The following ATP8A2 variants were observed in gnomAD, a reference collection of about 807,000 sequenced individuals.
ATP8A2 encodes ATPase phospholipid transporting 8A2.
ATP8A2 carries 100 observed loss-of-function variants against 165.6 expected under a neutral mutation model. The observed-to-expected ratio is 0.60, with a 90% CI of 0.51 to 0.71. The LOEUF (loss-of-function observed/expected upper bound fraction) is 0.71. Among genes scored for constraint, ATP8A2 ranks in the 30% least tolerant of loss-of-function variants. The pLI, the probability that ATP8A2 is intolerant of heterozygous loss-of-function variation, is 0.00. For synonymous variants in ATP8A2, 543 were observed against 548.8 expected, an observed-to-expected ratio of 0.99 and a Z score of 0.15; for missense variants, 1,227 against 1,479.5, an observed-to-expected ratio of 0.83 and a Z score of 2.80.
chr13:25,890,363 G>A (rs186980333), intron 33 of ATP8A2, among the ~76,000 whole-genome samples: 3 of 152,126 alleles, frequency 2.0e-5, no homozygotes, highest in South Asian at 2.1e-4. Context: ...CTAACAGAAC[G>A]CCTGGTACAC....
At chr13:25,445,704 C>T (rs2035048665) in intron 1 of ATP8A2, among the ~76,000 whole-genome samples, 2 of 152,072 alleles carry the variant, frequency 1.3e-5, no homozygotes, top group African/African-American at 4.8e-5. Context: ...ATTAAGATTC[C>T]TGTAGATGGT....
chr13:25,412,833 T>G (rs9511789), intron 1 of ATP8A2, among the ~76,000 whole-genome samples: 66,406 of 151,392 alleles, frequency 0.44, 16,418 homozygotes, highest in African/African-American at 0.68. Context: ...CAATTTTTTT[T>G]GGGGGGGGAT....
intron 24 of ATP8A2, among the ~76,000 whole-genome samples, chr13:25,665,349 T>C (rs77625801): frequency 0.037 from 5,702 of 152,212 alleles, 156 homozygotes; most frequent in Middle Eastern, 0.078. Flanking sequence ...TCCCAGCTAC[T>C]TGGGAGGCTG....
chr13:25,858,548 T>C (rs879839634), intron 30 of ATP8A2, among the ~76,000 whole-genome samples: 1 of 152,224 alleles, frequency 6.6e-6, no homozygotes, highest in Non-Finnish European at 1.5e-5. Flanking sequence ...GCCCAGGGGC[T>C]GGATTCGGAG....
intron 30 of ATP8A2, among the ~76,000 whole-genome samples, chr13:25,848,811 A>T (rs1045915077): frequency 6.6e-6 from 1 of 152,202 alleles, no homozygotes. Context: ...TCATGAATTC[A>T]TAGTGTCGGA....
intron 33 of ATP8A2, among the ~76,000 whole-genome samples, chr13:25,930,270 AG>A (rs1954733531): frequency 6.6e-6 from 1 of 152,206 alleles, no homozygotes; most frequent in Non-Finnish European, 1.5e-5. Context: ...TTAATGATGT[AG>A]AATTATACTT....
At chr13:25,413,734 G>A (rs2034046659) in intron 1 of ATP8A2, among the ~76,000 whole-genome samples, 1 of 152,124 alleles carries the variant, frequency 6.6e-6, no homozygotes, top group Non-Finnish European at 1.5e-5. Flanking sequence ...CGATTTAGAG[G>A]CCAAGGAGGT....
At chr13:25,825,145 CTTTTTTTTT>C (rs60778003) in intron 27 of ATP8A2, among the ~76,000 whole-genome samples, 163 of 27,492 alleles carry the variant, frequency 5.9e-3, no homozygotes, top group African/African-American at 0.022. Context: ...TATGTGTTTG[CTTTTTTTTT>C]TTTTTTTTTT....
chr13:25,734,301 T>A (rs765533808), intron 25 of ATP8A2, among the ~76,000 whole-genome samples: 12 of 152,238 alleles, frequency 7.9e-5, no homozygotes, highest in Non-Finnish European at 1.3e-4. Flanking sequence ...GAGTAGGAGC[T>A]AGGCCATTGC....
intron 27 of ATP8A2, among the ~76,000 whole-genome samples, chr13:25,815,639 A>G (rs1165798110): frequency 6.6e-6 from 1 of 152,190 alleles, no homozygotes; most frequent in Non-Finnish European, 1.5e-5. Flanking sequence ...TACCTCCACG[A>G]TATTAAACAT....
chr13:25,775,298 AG>A (rs1055630807), intron 27 of ATP8A2, among the ~76,000 whole-genome samples: 3 of 152,118 alleles, frequency 2.0e-5, no homozygotes, highest in Non-Finnish European at 4.4e-5. Context: ...GCCCTTCCAC[AG>A]GGGTCAGATC....
intron 2 of ATP8A2, among the ~76,000 whole-genome samples, chr13:25,495,724 C>T (rs1277202021): frequency 2.7e-5 from 4 of 147,944 alleles, no homozygotes; most frequent in African/African-American, 7.5e-5. Flanking sequence ...GCCTTGGCCT[C>T]TGAAAGTGCT....
intron 24 of ATP8A2, among the ~76,000 whole-genome samples, chr13:25,698,193 T>C (rs1288384942): frequency 6.6e-6 from 1 of 151,752 alleles, no homozygotes; most frequent in African/African-American, 2.4e-5. Flanking sequence ...CTGTTCATAG[T>C]CATAAATTCA....
At chr13:25,680,055 A>C (rs1188858044) in intron 24 of ATP8A2, among the ~76,000 whole-genome samples, 1 of 152,100 alleles carries the variant, frequency 6.6e-6, no homozygotes, top group Admixed American at 6.5e-5. Context: ...TGAACAGGAG[A>C]GAAATTTCAT....
chr13:25,435,934 T>TGTGTGTGTGTGTGTGA (rs1555270346), intron 1 of ATP8A2, among the ~76,000 whole-genome samples: 44 of 18,182 alleles, frequency 2.4e-3, no homozygotes, highest in Non-Finnish European at 0.012. Flanking sequence ...TGTGTGTGAG[T>TGTGTGTGTGTGTGTGA]GTGTGTGTGT....
At chr13:25,565,485 T>C (rs2039286105) in intron 16 of ATP8A2, among the ~76,000 whole-genome samples, 1 of 152,218 alleles carries the variant, frequency 6.6e-6, no homozygotes, top group Non-Finnish European at 1.5e-5. Context: ...ATCAGTGATG[T>C]TGAGCATTTT....
intron 24 of ATP8A2, among the ~76,000 whole-genome samples, chr13:25,610,014 G>C (rs2040638621): frequency 6.6e-6 from 1 of 151,918 alleles, no homozygotes; most frequent in Admixed American, 6.6e-5. Context: ...CTGGATATTA[G>C]TCCTTTATTG....
chr13:25,908,528 T>C (rs565828823), intron 33 of ATP8A2, among the ~76,000 whole-genome samples: 1 of 152,300 alleles, frequency 6.6e-6, no homozygotes, highest in East Asian at 1.9e-4. Context: ...CGAGGTGTCT[T>C]GTAACAGCAT....
chr13:25,847,061 G>A (rs1951885164), intron 30 of ATP8A2, among the ~76,000 whole-genome samples: 1 of 152,152 alleles, frequency 6.6e-6, no homozygotes, highest in Non-Finnish European at 1.5e-5. Flanking sequence ...ATGCTAAATG[G>A]GAGAGGAAAA....
Sources: allele counts gnomAD v4.1 joint callset (sites outside exome capture counted in the v4.1 genomes callset), GRCh38; gene constraint gnomAD v4.1.1; transcripts MANE v1.5; gene names NCBI Gene and HGNC (gene_info 2026-07-23, HGNC 2026-07-21).